ZNF362: variants seen among roughly 807,000 people sequenced by gnomAD.
The protein encoded by ZNF362 is zinc finger protein 362.
In ZNF362, 11 loss-of-function variants were observed where a neutral mutation model predicts 42.9. The observed-to-expected ratio is 0.26, with a 90% CI of 0.16 to 0.42. The LOEUF (loss-of-function observed/expected upper bound fraction) is 0.42. Among genes scored for constraint, ZNF362 ranks in the 20% least tolerant of loss-of-function variants. ZNF362 has a pLI of 1.00. For missense variants in ZNF362, 362 were observed against 576.2 expected (o/e 0.63, Z 3.81); for synonymous variants, 255 against 257.3 (o/e 0.99, Z 0.09).
the ZNF362 span, among the ~76,000 whole-genome samples, chr1:33,210,247 C>A: frequency 6.6e-6 from 1 of 152,156 alleles, no homozygotes; most frequent in African/African-American, 2.4e-5. Flanking sequence ...TTGAGTGTTT[C>A]TTAATCCTGA....
intron 4 of ZNF362, among the ~76,000 whole-genome samples, chr1:33,278,611 ACC>A (rs1357420299): frequency 1.3e-5 from 2 of 152,244 alleles, no homozygotes; most frequent in Non-Finnish European, 2.9e-5. Flanking sequence ...CCTAGAGAGA[ACC>A]ACAATTAGCA....
intron 6 of ZNF362, among the ~76,000 whole-genome samples, chr1:33,283,121 C>A (rs1244625956): frequency 1.3e-5 from 2 of 151,998 alleles, no homozygotes; most frequent in African/African-American, 4.8e-5. Flanking sequence ...AGGACTAATA[C>A]TATACAGAAG....
intron 1 of ZNF362, among the ~76,000 whole-genome samples, chr1:33,265,196 A>C (rs955562812): frequency 1.7e-4 from 26 of 151,836 alleles, no homozygotes; most frequent in African/African-American, 6.3e-4. Context: ...ACATTCTCTC[A>C]GAACTGAGAG....
At chr1:33,286,481 C>G (rs888307605) in intron 6 of ZNF362, among the ~76,000 whole-genome samples, 11 of 152,046 alleles carry the variant, frequency 7.2e-5, no homozygotes, top group African/African-American at 2.7e-4. Context: ...TTCTCCATTC[C>G]TGAGGGCACA....
the ZNF362 span, chr1:33,145,598 G>A: frequency 4.5e-5 from 9 of 200,044 alleles, no homozygotes; most frequent in South Asian, 4.6e-4. Flanking sequence ...TAGCTCTTCC[G>A]GCTACTTTGG....
the ZNF362 span, among the ~76,000 whole-genome samples, chr1:33,205,098 A>G: frequency 6.6e-6 from 1 of 152,146 alleles, no homozygotes; most frequent in African/African-American, 2.4e-5. Flanking sequence ...ATTCATCTAT[A>G]TATTTAAGAG....
intron 1 of ZNF362, among the ~76,000 whole-genome samples, chr1:33,259,207 C>G (rs1645813561): frequency 6.6e-6 from 1 of 152,290 alleles, no homozygotes; most frequent in South Asian, 2.1e-4. Context: ...GACAATGAGC[C>G]CCTCTACCCA....
chr1:33,223,724 C>T, the ZNF362 span, among the ~76,000 whole-genome samples: 2 of 152,042 alleles, frequency 1.3e-5, no homozygotes, highest in Non-Finnish European at 1.5e-5. Context: ...GAAACCCTGT[C>T]TCTACTAAAA....
chr1:33,196,753 C>A, the ZNF362 span, among the ~76,000 whole-genome samples: 2 of 152,102 alleles, frequency 1.3e-5, no homozygotes, highest in East Asian at 3.9e-4. Flanking sequence ...ATGTGCTAGA[C>A]TTTTATATGA....
chr1:33,279,612 G>A (rs1262998123), intron 4 of ZNF362, among the ~76,000 whole-genome samples: 1 of 149,300 alleles, frequency 6.7e-6, no homozygotes, highest in East Asian at 2.0e-4. Context: ...TTTTTAAAAC[G>A]CTCATTGTCA....
chr1:33,163,334 T>G, the ZNF362 span: 1 of 151,672 alleles, frequency 6.6e-6, no homozygotes, highest in South Asian at 2.1e-4. Flanking sequence ...CCACTGTGCC[T>G]GGCCGATTTT....
chr1:33,216,411 C>T, the ZNF362 span, among the ~76,000 whole-genome samples: 1 of 148,150 alleles, frequency 6.7e-6, no homozygotes, highest in African/African-American at 2.5e-5. Flanking sequence ...ACCAGACTGA[C>T]CAACATGGTG....
chr1:33,250,757 AAG>A, the ZNF362 span, among the ~76,000 whole-genome samples: 2 of 151,192 alleles, frequency 1.3e-5, no homozygotes, highest in African/African-American at 4.9e-5. Flanking sequence ...AAGAAAAAAA[AAG>A]AAGAAAGAAG....
At chr1:33,151,092 G>A in the ZNF362 span, among the ~76,000 whole-genome samples, 1 of 152,112 alleles carries the variant, frequency 6.6e-6, no homozygotes, top group African/African-American at 2.4e-5. Context: ...TGAGCCACTT[G>A]TGGTGCCACT....
chr1:33,241,444 C>T, the ZNF362 span, among the ~76,000 whole-genome samples: 3 of 148,768 alleles, frequency 2.0e-5, no homozygotes, highest in East Asian at 2.0e-4. Flanking sequence ...TGCAGTGAGC[C>T]GAGATCATGC....
the ZNF362 span, chr1:33,141,922 A>C: frequency 1.3e-5 from 2 of 153,826 alleles, no homozygotes; most frequent in Non-Finnish European, 2.9e-5. Flanking sequence ...ACAAAGAAAA[A>C]TGAACACATT....
chr1:33,136,737 C>T, the ZNF362 span, among the ~76,000 whole-genome samples: 1 of 151,540 alleles, frequency 6.6e-6, no homozygotes, highest in Non-Finnish European at 1.5e-5. Flanking sequence ...CGGTGGCTCA[C>T]GCCCGTAATC....
chr1:33,267,018 A>G (rs1422545904), intron 1 of ZNF362, among the ~76,000 whole-genome samples: 1 of 152,048 alleles, frequency 6.6e-6, no homozygotes, highest in African/African-American at 2.4e-5. Flanking sequence ...CCTGGATGGG[A>G]CCAGGAGTCC....
chr1:33,247,126 A>G, the ZNF362 span, among the ~76,000 whole-genome samples: 2 of 152,202 alleles, frequency 1.3e-5, no homozygotes, highest in Non-Finnish European at 2.9e-5. Flanking sequence ...AACCCTTTCT[A>G]GAATTAGTAG....
Sources: gnomAD v4.1 joint callset for allele counts (sites outside exome capture counted in the v4.1 genomes callset) on GRCh38, gnomAD v4.1.1 for gene constraint, MANE v1.5 for transcripts, NCBI Gene and HGNC (gene_info 2026-07-23, HGNC 2026-07-21) for gene names.